The following NTNG1 variants were observed in gnomAD, a reference collection of about 807,000 sequenced individuals.
The protein encoded by NTNG1 is netrin-G1.
In NTNG1, 16 loss-of-function variants were observed where a neutral mutation model predicts 54.0. The observed-to-expected ratio is 0.30, with a 90% CI of 0.20 to 0.45. NTNG1 has a LOEUF of 0.45. Among genes scored for constraint, NTNG1 ranks in the 20% least tolerant of loss-of-function variants. NTNG1 has a pLI of 1.00. For missense variants in NTNG1, 530 were observed against 678.7 expected (o/e 0.78, Z 2.43); for synonymous variants, 255 against 263.1 (o/e 0.97, Z 0.30).
At chr1:107,314,177 G>C (rs1667191059) in intron 2 of NTNG1, among the ~76,000 whole-genome samples, 1 of 152,118 alleles carries the variant, frequency 6.6e-6, no homozygotes, top group Non-Finnish European at 1.5e-5. Context: ...GGCCGAGGCA[G>C]GCTGGTCATG....
intron 3 of NTNG1, chr1:107,334,014 T>C (rs1668434547): frequency 6.6e-6 from 1 of 151,958 alleles, no homozygotes; most frequent in Non-Finnish European, 1.5e-5. Flanking sequence ...TGGTACAATC[T>C]GGTGTATTTT....
At chr1:107,224,820 G>A (rs1444451193) in intron 2 of NTNG1, among the ~76,000 whole-genome samples, 1 of 152,122 alleles carries the variant, frequency 6.6e-6, no homozygotes, top group Non-Finnish European at 1.5e-5. Context: ...CACAACTGAG[G>A]CTGAATCTGT....
At chr1:107,427,910 T>G (rs2101301308) in intron 5 of NTNG1, among the ~76,000 whole-genome samples, 1 of 152,302 alleles carries the variant, frequency 6.6e-6, no homozygotes, top group South Asian at 2.1e-4. Flanking sequence ...GTACTATTCA[T>G]TAAATTCTAA....
At chr1:107,410,874 C>T (rs1041051857) in intron 5 of NTNG1, among the ~76,000 whole-genome samples, 2 of 152,042 alleles carry the variant, frequency 1.3e-5, no homozygotes, top group African/African-American at 4.8e-5. Context: ...ATAATTAGAC[C>T]AGCAAGAATT....
chr1:107,430,561 C>G, intron 5 of NTNG1, 189 bp from the exon 6 acceptor site: 1 of 741,702 alleles, frequency 1.3e-6, no homozygotes, highest in Non-Finnish European at 2.5e-6. Context: ...ACCTTTCTAT[C>G]CTGCTTGAAA....
intron 2 of NTNG1, among the ~76,000 whole-genome samples, chr1:107,226,163 G>A (rs968008758): frequency 1.3e-5 from 2 of 152,094 alleles, no homozygotes; most frequent in African/African-American, 2.4e-5. Context: ...CAATTGTGTA[G>A]CAAAAACAAA....
rs116121331 is a variant in NTNG1, at chr1:107,327,604, C to T, written c.887+2682C>T. 5.9e-3 allele frequency among the ~76,000 whole-genome samples: 892 copies of T among 151,944 alleles called. 9 individuals carry two copies. The highest frequency in any genetic ancestry group is 0.02 in the African/African-American group (841 of 41,452). ...ACAACTGAAGTTCTTGTTCCTTGCA[C>T]CCGCCCCCACCATCCCATGAAATGA... On this transcript the variant is annotated intron_variant, in intron 3 of 7. Transcript: ENST00000370068.
intron 2 of NTNG1, among the ~76,000 whole-genome samples, chr1:107,223,290 T>C (rs1660471380): frequency 6.6e-6 from 1 of 151,920 alleles, no homozygotes; most frequent in Non-Finnish European, 1.5e-5. Context: ...GTGAAGGTTA[T>C]ATAAGGAAAG....
Position 107,322,032 on chromosome 1 carries a change from T to C in NTNG1, c.247-2250T>C, listed in dbSNP as rs78346289. 5.8e-3 allele frequency among the ~76,000 whole-genome samples: 885 copies of C among 152,332 alleles called. 13 individuals are homozygous for C. The highest frequency in any genetic ancestry group is 0.02 in the African/African-American group (833 of 41,584). On this transcript the variant is annotated intron_variant, in intron 2 of 7. Transcript: ENST00000370068. ...TAGTGTCCAGCACGCAAGTGCTAAC[T>C]AAATGGTGGTTATTGCCAAGACTTT...
intron 3 of NTNG1, among the ~76,000 whole-genome samples, chr1:107,366,852 C>T (rs1432061226): frequency 2.6e-5 from 4 of 152,172 alleles, no homozygotes; most frequent in Admixed American, 2.6e-4. Flanking sequence ...TTCACAAAAG[C>T]TGCAGACCTT....
intron 7 of NTNG1, chr1:107,455,731 G>T: frequency 8.0e-6 from 3 of 376,180 alleles, no homozygotes; most frequent in South Asian, 5.5e-5. Flanking sequence ...CTTTTACTGT[G>T]GTAGCAACTT....
Position 107,211,898 on chromosome 1 carries a change from C to T in NTNG1, c.246+63059C>T, listed in dbSNP as rs977391023. ...TGGGCAATATTCAGAAAATGAAATA[C>T]TGAATTTCTTATCAGTTTATGGGGA... On this transcript the variant is annotated intron_variant, in intron 2 of 7. Coordinates refer to ENST00000370068, the MANE Select transcript of NTNG1 (RefSeq NM_001113226.3). Among the ~76,000 whole-genome samples the T allele has an allele frequency of 2.0e-5, 3 of 152,156 alleles. No homozygotes were observed. The South Asian group carries it at 6.2e-4, about 32-fold the overall frequency.
chr1:107,355,575 T>A (rs1669888966), intron 3 of NTNG1, among the ~76,000 whole-genome samples: 1 of 152,122 alleles, frequency 6.6e-6, no homozygotes. Context: ...ACCGAGATAT[T>A]TGTTCATTTT....
At chr1:107,474,778 C>T (rs909237426) in intron 7 of NTNG1, among the ~76,000 whole-genome samples, 8 of 152,146 alleles carry the variant, frequency 5.3e-5, no homozygotes, top group African/African-American at 1.9e-4. Context: ...TGATAACAAA[C>T]CCTCTCCCAA....
Position 107,205,478 on chromosome 1 carries a change from T to A in NTNG1, c.246+56639T>A, listed in dbSNP as rs1659106450. On this transcript the variant is annotated intron_variant, in intron 2 of 7. Transcript: ENST00000370068. ...TAGTTATGGCTTTTTTATTTTAAAT[T>A]TTCATAATTTTTATAAGTATATATT... 3.3e-5 allele frequency among the ~76,000 whole-genome samples: 5 copies of A among 152,252 alleles called. No homozygotes were observed. The South Asian group carries it at 8.3e-4, about 25-fold the overall frequency.
At chr1:107,150,363 T>C (rs1307399173) in intron 2 of NTNG1, among the ~76,000 whole-genome samples, 1 of 152,138 alleles carries the variant, frequency 6.6e-6, no homozygotes, top group East Asian at 1.9e-4. Flanking sequence ...AGGTCTTTAA[T>C]AATTTCTCAT....
In NTNG1 at chr1:107,480,950, C is replaced by G; in HGVS notation, c.*110C>G. 2 of 798,126 alleles carry G rather than the reference C, an allele frequency of 2.5e-6. No homozygotes were observed. 49.4% of individuals were successfully genotyped at this position (798,126 alleles called of 1,614,324 possible). A position where few individuals can be genotyped will look rare whatever the true frequency, so the allele number is the denominator to read the frequency against. ...ACACATACAGACACCCCCACTCAGA[C>G]AGTGTACAAACTAAGAAGGCCTAAC... On this transcript the variant is annotated 3_prime_UTR_variant, in exon 8 of 8. Coordinates refer to ENST00000370068, the MANE Select transcript of NTNG1 (RefSeq NM_001113226.3).
At chr1:107,424,909 G>C (rs931900927) in intron 5 of NTNG1, among the ~76,000 whole-genome samples, 6 of 152,034 alleles carry the variant, frequency 3.9e-5, no homozygotes, top group Non-Finnish European at 8.8e-5. Context: ...TGAATGTAGA[G>C]AACAAAGAGG....
chr1:107,208,282 T>C (rs888687721), intron 2 of NTNG1, among the ~76,000 whole-genome samples: 1 of 151,694 alleles, frequency 6.6e-6, no homozygotes, highest in Non-Finnish European at 1.5e-5. Context: ...AATACAAAAT[T>C]AGCTGGGTGT....
Sources: allele counts gnomAD v4.1 joint callset (sites outside exome capture counted in the v4.1 genomes callset), GRCh38; gene constraint gnomAD v4.1.1; transcripts MANE v1.5; gene names NCBI Gene and HGNC (gene_info 2026-07-23, HGNC 2026-07-21).